DLST: variants seen among roughly 807,000 people sequenced by gnomAD.
DLST encodes dihydrolipoyllysine-residue succinyltransferase component of 2-oxoglutarate dehydrogenase complex, mitochondrial.
Under a neutral mutation model 53.1 loss-of-function variants are expected in DLST, and 17 were observed. The observed-to-expected ratio is 0.32, with a 90% CI of 0.22 to 0.48. The LOEUF is 0.48. Ranked by LOEUF, DLST falls within the 20% of genes least tolerant of loss-of-function variation. The pLI, the probability that DLST is intolerant of heterozygous loss-of-function variation, is 0.99. For synonymous variants in DLST, 206 were observed against 204.8 expected, an observed-to-expected ratio of 1.01 and a Z score of -0.05; for missense variants, 512 against 583.9, an observed-to-expected ratio of 0.88 and a Z score of 1.27.
chr14:74,889,628 G>A, intron 5 of DLST: 1 of 537,154 alleles, frequency 1.9e-6, no homozygotes, highest in Non-Finnish European at 3.3e-6. Context: ...ACCTCAGCCT[G>A]CCACAAAGTG....
chr14:74,894,208 C>T (rs982858827), intron 9 of DLST, 104 bp from the exon 10 acceptor site: 12 of 1,368,398 alleles, frequency 8.8e-6, no homozygotes, highest in Non-Finnish European at 1.2e-5. Context: ...ATACTGTAGT[C>T]CTTGGCCATC....
chr14:74,891,960 G>A, intron 7 of DLST: 3 of 564,080 alleles, frequency 5.3e-6, no homozygotes, highest in Non-Finnish European at 6.7e-6. Flanking sequence ...TGGATATAAT[G>A]TCCAGATGGG....
intron 14 of DLST, 42 bp downstream of exon 14, chr14:74,901,275 A>G (rs1433087390): frequency 5.1e-6 from 8 of 1,556,212 alleles, no homozygotes; most frequent in Non-Finnish European, 6.1e-6. Flanking sequence ...CTAGGTCTCG[A>G]TGAAAGGGAA....
Position 74,900,778 on chromosome 14 carries a change from A to G in DLST, c.1060-288A>G, listed in dbSNP as rs117156342. On this transcript the variant is annotated intron_variant, in intron 13 of 14. Coordinates refer to ENST00000334220, the MANE Select transcript of DLST (RefSeq NM_001933.5). ...CTCGCTGTGTTGCCCAGGCTGGAGT[A>G]GAGTGGTAGAGTCATAGCTTACTGC... 2.3e-3 allele frequency among the ~76,000 whole-genome samples: 357 copies of G among 152,226 alleles called. 6 individuals are homozygous for G. In the East Asian group the frequency reaches 0.054, roughly 23 times the overall value.
chr14:74,884,444 A>C (rs1041301053), intron 2 of DLST, among the ~76,000 whole-genome samples: 1 of 152,210 alleles, frequency 6.6e-6, no homozygotes, highest in African/African-American at 2.4e-5. Context: ...ATTTGGGCTC[A>C]GGGATTCACC....
rs1395685325 is a variant in DLST, at chr14:74,889,276, G to A, written c.201G>A (p.Lys67=). Residue 67 remains lysine, a splice_region_variant and synonymous_variant, in exon 5 of 15, where the codon AAG becomes AAA. Coordinates refer to ENST00000334220, the MANE Select transcript of DLST (RefSeq NM_001933.5). The part of the protein sequence containing the change: ...VRFFRTTAVC[K]DDLVTVKTPA... ...TTTTCTTTTTTGCATTTTTCCTAGAGGATGACTTGGTTACAGTCAAAACCC... is the reference window on the plus strand; with the variant it reads ...TTTTCTTTTTTGCATTTTTCCTAGAAGATGACTTGGTTACAGTCAAAACCC... The A allele has an allele frequency of 1.2e-6, 2 of 1,612,490 alleles. No homozygotes were observed. The highest frequency in any genetic ancestry group is 1.7e-6 in the Non-Finnish European group (2 of 1,179,740).
chr14:74,894,460 A>G (rs1321455691), intron 10 of DLST, 51 bp downstream of exon 10: 5 of 1,586,384 alleles, frequency 3.2e-6, no homozygotes, highest in Non-Finnish European at 2.6e-6. Context: ...CTTAGAGAAC[A>G]CGAACTTGCC....
chr14:74,891,897 G>A, intron 7 of DLST: 1 of 982,524 alleles, frequency 1.0e-6, no homozygotes, highest in Non-Finnish European at 1.2e-6. Flanking sequence ...ATGGTAGAAG[G>A]CTGGGAAATA....
At chr14:74,890,865 A>T (rs1277312717) in intron 6 of DLST, among the ~76,000 whole-genome samples, 191 bp from the exon 7 acceptor site, 1 of 151,860 alleles carries the variant, frequency 6.6e-6, no homozygotes, top group African/African-American at 2.4e-5. Context: ...TTTAGTAGAG[A>T]TGGGGTTTCA....
intron 10 of DLST, 87 bp downstream of exon 10, chr14:74,894,496 A>C: frequency 4.6e-6 from 6 of 1,314,896 alleles, no homozygotes; most frequent in Non-Finnish European, 6.3e-6. Flanking sequence ...TGCTGATTCT[A>C]AAACTAACTT....
intron 3 of DLST, among the ~76,000 whole-genome samples, chr14:74,887,049 T>G (rs914571869): frequency 6.6e-5 from 10 of 152,164 alleles, no homozygotes; most frequent in Non-Finnish European, 1.2e-4. Context: ...TGTGTGTTCC[T>G]TTTCATCTAG....
At position 74,882,639 on chromosome 14, in the gene DLST, T is replaced by TA; in HGVS notation, c.97+16dup. Reference sequence around the variant, plus strand: ...TTCCCTGCCTGGTAAGTTCTGCCCTTACCGTCACCTAAAATGCTCTCCTCC... The same window carrying TA: ...TTCCCTGCCTGGTAAGTTCTGCCCTTAACCGTCACCTAAAATGCTCTCCTCC... On this transcript the variant is annotated intron_variant, in intron 2 of 14. Coordinates refer to ENST00000334220, the MANE Select transcript of DLST (RefSeq NM_001933.5). The TA allele has an allele frequency of 6.2e-7, 1 of 1,613,680 alleles. No individual in the cohort carries two copies. The highest frequency in any genetic ancestry group is 8.5e-7 in the Non-Finnish European group (1 of 1,179,740).
intron 2 of DLST, among the ~76,000 whole-genome samples, chr14:74,883,189 G>GGAGGCT (rs1172769305): frequency 6.6e-6 from 1 of 152,090 alleles, no homozygotes; most frequent in Non-Finnish European, 1.5e-5. Context: ...CAGCTCCTCG[G>GGAGGCT]GAGGCTGAGG....
rs1307906541 is a variant in DLST at position 74,903,732 on chromosome 14, G to A, written c.*1402G>A. 1.2e-4 allele frequency: 18 copies of A among 152,138 alleles called. No individual in the cohort carries two copies. Among genetic ancestry groups the A allele is most frequent in the Admixed American group, 1.2e-3 (18 of 15,284 alleles). The allele number at this position is 152,138 out of a possible 1,614,324, so 9.4% of individuals were successfully genotyped here. The stretch of plus-strand genomic sequence containing the variant: ...GATTTTAAATGCAAATTAAAGGGCA[G>A]ATATTCTCAAACAGGGTTCCTGTAT... On this transcript the variant is annotated 3_prime_UTR_variant, in exon 15 of 15. Transcript: ENST00000334220.
intron 2 of DLST, 150 bp from the exon 3 acceptor site, chr14:74,885,436 T>C: frequency 1.2e-6 from 1 of 818,700 alleles, no homozygotes; most frequent in Non-Finnish European, 2.1e-6. Flanking sequence ...TGGAAAAGTT[T>C]GAGAAGCAGG....
intron 1 of DLST, among the ~76,000 whole-genome samples, 170 bp downstream of exon 1, chr14:74,882,186 G>GT (rs941024567): frequency 2.0e-5 from 3 of 152,108 alleles, no homozygotes; most frequent in Admixed American, 1.3e-4. Context: ...CCTCGGGACC[G>GT]TTTTGCGGAG....
chr14:74,881,947 C>G lies in DLST; in HGVS notation c.-7C>G, dbSNP rs201221488. On this transcript the variant is annotated 5_prime_UTR_variant, in exon 1 of 15. Coordinates refer to ENST00000334220, the MANE Select transcript of DLST (RefSeq NM_001933.5). ...GGTGTCCGCCCGCCCTCGGCTCCTCCGCCGTGATGCTGTCCCGATCCCGCT... is the reference window on the plus strand; with the variant it reads ...GGTGTCCGCCCGCCCTCGGCTCCTCGGCCGTGATGCTGTCCCGATCCCGCT... 3 of 1,549,782 alleles carry G rather than the reference C, an allele frequency of 1.9e-6. No homozygotes were observed. Among genetic ancestry groups the G allele is most frequent in the African/African-American group, 2.8e-5 (2 of 72,320 alleles).
At position 74,901,070 on chromosome 14, in the gene DLST, G is replaced by C. The variant is rs147439947; in HGVS notation, c.1064G>C (p.Arg355Pro). Residue 355 changes from arginine (R) to proline (P), a missense_variant, in exon 14 of 15, where the codon CGA (arginine) becomes CCA (proline). Arg to Pro is a moderately radical substitution (Grantham distance 103). Coordinates refer to ENST00000334220, the MANE Select transcript of DLST (RefSeq NM_001933.5). ...AATTATGAAATCTGTTTTTAGGCCC[G>C]AAAGAATGAACTTGCCATTGAAGAT... ...RTITELGEKARKNELAIEDMD... is the reference protein window; with the variant it reads ...RTITELGEKAPKNELAIEDMD... 1.9e-6 allele frequency: 3 copies of C among 1,613,586 alleles called. No homozygotes were observed. The highest frequency in any genetic ancestry group is 2.5e-6 in the Non-Finnish European group (3 of 1,179,864).
At chr14:74,886,584 T>G (rs1334282355) in intron 3 of DLST, among the ~76,000 whole-genome samples, 1 of 152,174 alleles carries the variant, frequency 6.6e-6, no homozygotes, top group Non-Finnish European at 1.5e-5. Context: ...TCCACTTGCC[T>G]TAGCCTCCCA....
Sources: allele counts gnomAD v4.1 joint callset (sites outside exome capture counted in the v4.1 genomes callset), GRCh38; gene constraint gnomAD v4.1.1; transcripts MANE v1.5; gene names NCBI Gene and HGNC (gene_info 2026-07-23, HGNC 2026-07-21).